The following RBFOX1 variants were observed in gnomAD, a reference collection of about 807,000 sequenced individuals.
RBFOX1 encodes the protein RNA binding fox-1 homolog 1.
RBFOX1 carries 8 observed loss-of-function variants against 57.7 expected under a neutral mutation model. That is an observed-to-expected ratio of 0.14 (90% CI 0.08 to 0.25). RBFOX1 has a LOEUF of 0.25. Ranked by LOEUF, RBFOX1 falls within the 10% of genes least tolerant of loss-of-function variation. The pLI is 1.00. For synonymous variants in RBFOX1, 326 were observed against 222.4 expected (o/e 1.47, Z -4.15); for missense variants, 611 against 548.5 (o/e 1.11, Z -1.14).
At chr16:7,032,535 A>G (rs2043080830) in intron 3 of RBFOX1, among the ~76,000 whole-genome samples, 1 of 152,148 alleles carries the variant, frequency 6.6e-6, no homozygotes, top group Non-Finnish European at 1.5e-5. Flanking sequence ...CAAATTACAG[A>G]TCAGCTAAAT....
At chr16:6,238,854 G>C (rs1055042336) in intron 1 of RBFOX1, among the ~76,000 whole-genome samples, 1 of 152,106 alleles carries the variant, frequency 6.6e-6, no homozygotes, top group Non-Finnish European at 1.5e-5. Context: ...TTATCACGGA[G>C]AATGTGGTCT....
chr16:6,696,914 A>G (rs1218000509), intron 3 of RBFOX1, among the ~76,000 whole-genome samples: 1 of 152,202 alleles, frequency 6.6e-6, no homozygotes, highest in African/African-American at 2.4e-5. Context: ...CTGTCTTGCA[A>G]AACCCCCAAT....
At chr16:7,200,417 T>A (rs2088048813) in intron 4 of RBFOX1, among the ~76,000 whole-genome samples, 1 of 152,194 alleles carries the variant, frequency 6.6e-6, no homozygotes, top group South Asian at 2.1e-4. Flanking sequence ...ACAACTGTGC[T>A]CTCTCCATAT....
chr16:6,884,052 C>T (rs77073049), intron 3 of RBFOX1, among the ~76,000 whole-genome samples: 1 of 152,128 alleles, frequency 6.6e-6, no homozygotes, highest in Non-Finnish European at 1.5e-5. Flanking sequence ...TCCTGTTAAG[C>T]ATCCACTGCA....
At chr16:7,680,046 C>T (rs1223707178) in intron 14 of RBFOX1, among the ~76,000 whole-genome samples, 1 of 152,124 alleles carries the variant, frequency 6.6e-6, no homozygotes, top group African/African-American at 2.4e-5. Context: ...GAGCTTGAAC[C>T]AACTGAAGCA....
chr16:7,422,611 G>A (rs1434724646), intron 4 of RBFOX1, among the ~76,000 whole-genome samples: 1 of 152,100 alleles, frequency 6.6e-6, no homozygotes, highest in Non-Finnish European at 1.5e-5. Flanking sequence ...CACTCAGCAC[G>A]ATTTTTCATC....
intron 3 of RBFOX1, among the ~76,000 whole-genome samples, chr16:6,780,894 T>C (rs1032051659): frequency 4.6e-5 from 7 of 152,192 alleles, no homozygotes; most frequent in East Asian, 1.9e-4. Flanking sequence ...CTGGCAGTTA[T>C]TCTCTTGTCA....
intron 2 of RBFOX1, among the ~76,000 whole-genome samples, chr16:5,564,165 C>T (rs973315665): frequency 5.3e-5 from 8 of 152,068 alleles, no homozygotes; most frequent in African/African-American, 1.9e-4. Flanking sequence ...GTCCGCACCA[C>T]CATGCCTGGC....
At chr16:7,414,662 G>A (rs1368927102) in intron 4 of RBFOX1, among the ~76,000 whole-genome samples, 1 of 152,080 alleles carries the variant, frequency 6.6e-6, no homozygotes, top group African/African-American at 2.4e-5. Context: ...CTGTCACCCA[G>A]GCTGGAGTGT....
At chr16:5,708,094 T>C (rs1007636767) in intron 3 of RBFOX1, among the ~76,000 whole-genome samples, 1 of 152,160 alleles carries the variant, frequency 6.6e-6, no homozygotes, top group Non-Finnish European at 1.5e-5. Flanking sequence ...GACGCTTGTT[T>C]CGTGGGCTCT....
intron 3 of RBFOX1, among the ~76,000 whole-genome samples, chr16:5,724,248 C>A (rs959561062): frequency 6.6e-6 from 1 of 152,188 alleles, no homozygotes; most frequent in African/African-American, 2.4e-5. Context: ...CAAAATAAAA[C>A]CTGTGTCTGG....
At chr16:5,869,885 A>T (rs2057426816) in intron 4 of RBFOX1, among the ~76,000 whole-genome samples, 1 of 152,150 alleles carries the variant, frequency 6.6e-6, no homozygotes, top group East Asian at 1.9e-4. Context: ...CCCATAAAGG[A>T]TTTATTTACC....
At chr16:7,168,770 C>T (rs1191341574) in intron 4 of RBFOX1, among the ~76,000 whole-genome samples, 3 of 152,162 alleles carry the variant, frequency 2.0e-5, no homozygotes, top group Admixed American at 6.5e-5. Flanking sequence ...CCATAATGTA[C>T]ACCATCCAAA....
chr16:7,064,137 C>T (rs1044362170), intron 4 of RBFOX1, among the ~76,000 whole-genome samples: 1 of 149,072 alleles, frequency 6.7e-6, no homozygotes, highest in African/African-American at 2.5e-5. Context: ...TAAGCGTGGG[C>T]CCTAATCCAG....
intron 2 of RBFOX1, among the ~76,000 whole-genome samples, chr16:5,589,887 C>G (rs1007990661): frequency 1.3e-5 from 2 of 152,104 alleles, no homozygotes; most frequent in African/African-American, 4.8e-5. Flanking sequence ...TTTGCTGGAT[C>G]CTGTTAATCT....
intron 2 of RBFOX1, among the ~76,000 whole-genome samples, chr16:6,490,068 G>A (rs1019192): frequency 0.25 from 37,563 of 152,100 alleles, 5,382 homozygotes; most frequent in East Asian, 0.53. Context: ...TTGACTCCCA[G>A]CTTGATCTCA....
chr16:7,707,009 A>G (rs2082674995), intron 14 of RBFOX1, among the ~76,000 whole-genome samples: 1 of 152,196 alleles, frequency 6.6e-6, no homozygotes, highest in Non-Finnish European at 1.5e-5. Context: ...GATAAGAAGG[A>G]CTGAAGGGTG....
chr16:6,992,618 A>C (rs1437149147), intron 3 of RBFOX1, among the ~76,000 whole-genome samples: 3 of 152,034 alleles, frequency 2.0e-5, no homozygotes, highest in African/African-American at 7.2e-5. Context: ...AGGACTTAAA[A>C]ACTAGGTAAG....
At chr16:7,673,621 G>C (rs370546553) in intron 13 of RBFOX1, among the ~76,000 whole-genome samples, 86 of 152,274 alleles carry the variant, frequency 5.6e-4, no homozygotes, top group African/African-American at 2.0e-3. Context: ...AGGACCTCTA[G>C]AGGTTTTGCT....
Sources: gnomAD v4.1 joint callset for allele counts (sites outside exome capture counted in the v4.1 genomes callset) on GRCh38, gnomAD v4.1.1 for gene constraint, MANE v1.5 for transcripts, NCBI Gene and HGNC (gene_info 2026-07-23, HGNC 2026-07-21) for gene names.